The following AFF3 variants were observed in gnomAD, a reference collection of about 807,000 sequenced individuals.
AFF3 encodes AF4/FMR2 family member 3.
Under a neutral mutation model 129.7 loss-of-function variants are expected in AFF3, and 32 were observed. The observed-to-expected ratio is 0.25, with a 90% CI of 0.19 to 0.33. The LOEUF (loss-of-function observed/expected upper bound fraction) is 0.33, where lower values mean the gene tolerates loss of function less well. Ranked by LOEUF, AFF3 falls within the 10% of genes least tolerant of loss-of-function variation. The pLI, the probability that AFF3 is intolerant of heterozygous loss-of-function variation, is 1.00. For missense variants in AFF3, 1,373 were observed against 1,592.0 expected (o/e 0.86, Z 2.34); for synonymous variants, 644 against 635.4 (o/e 1.01, Z -0.20).
At chr2:100,130,211 A>C (rs1381740924) in intron 1 of AFF3, among the ~76,000 whole-genome samples, 1 of 152,226 alleles carries the variant, frequency 6.6e-6, no homozygotes. Flanking sequence ...TCATGAATAC[A>C]TTCAGTGTTA....
chr2:99,981,329 T>G (rs1483704891), intron 7 of AFF3, among the ~76,000 whole-genome samples: 9 of 152,218 alleles, frequency 5.9e-5, no homozygotes, highest in Non-Finnish European at 1.5e-5. Context: ...AAAATCATGT[T>G]TTAATATCAC....
intron 7 of AFF3, among the ~76,000 whole-genome samples, chr2:99,943,360 G>A (rs1017926112): frequency 2.6e-5 from 4 of 152,168 alleles, no homozygotes; most frequent in Non-Finnish European, 5.9e-5. Context: ...ATACCAAAAA[G>A]ATGATGACAT....
intron 11 of AFF3, among the ~76,000 whole-genome samples, chr2:99,701,075 T>C (rs375161169): frequency 9.4e-4 from 143 of 152,216 alleles, no homozygotes; most frequent in Middle Eastern, 3.4e-3. Flanking sequence ...CTGGACTCCA[T>C]AGGATTTAGA....
At chr2:100,064,784 T>C (rs1387180765) in intron 4 of AFF3, among the ~76,000 whole-genome samples, 4 of 152,254 alleles carry the variant, frequency 2.6e-5, no homozygotes, top group East Asian at 1.9e-4. Flanking sequence ...ATTTCTAATA[T>C]GCAACGTATT....
intron 7 of AFF3, among the ~76,000 whole-genome samples, chr2:99,877,720 C>T (rs1692407145): frequency 6.6e-6 from 1 of 152,184 alleles, no homozygotes; most frequent in Admixed American, 6.5e-5. Flanking sequence ...AAAATATATA[C>T]TGCTTGTTTG....
At chr2:99,725,768 T>C (rs758934906) in intron 11 of AFF3, among the ~76,000 whole-genome samples, 14 of 152,256 alleles carry the variant, frequency 9.2e-5, no homozygotes, top group Admixed American at 3.3e-4. Context: ...CTTTCCAACA[T>C]ACTTTGTATA....
intron 4 of AFF3, among the ~76,000 whole-genome samples, chr2:100,037,531 TATAA>T (rs1160495521): frequency 4.4e-4 from 1 of 2,280 alleles, no homozygotes; most frequent in Non-Finnish European, 6.3e-4. Context: ...ATTATTTATA[TATAA>T]ATATATATTT....
chr2:99,596,889 A>AC (rs1406123328), intron 14 of AFF3, among the ~76,000 whole-genome samples: 1 of 152,060 alleles, frequency 6.6e-6, no homozygotes, highest in African/African-American at 2.4e-5. Context: ...ACTAAATCAT[A>AC]CTTTTTTTTC....
At chr2:99,755,064 A>G (rs1028038606) in intron 8 of AFF3, among the ~76,000 whole-genome samples, 2 of 152,074 alleles carry the variant, frequency 1.3e-5, no homozygotes, top group Non-Finnish European at 2.9e-5. Context: ...CCTCAAAAGC[A>G]ATATCCACAG....
chr2:99,819,623 A>G (rs992522628), intron 8 of AFF3, among the ~76,000 whole-genome samples: 1 of 152,246 alleles, frequency 6.6e-6, no homozygotes, highest in Non-Finnish European at 1.5e-5. Context: ...TTATCCAGCA[A>G]TAGATGTAAC....
intron 1 of AFF3, among the ~76,000 whole-genome samples, chr2:100,136,992 C>T (rs1052394875): frequency 2.0e-5 from 3 of 152,100 alleles, no homozygotes; most frequent in Non-Finnish European, 2.9e-5. Flanking sequence ...CATCCCATTT[C>T]CCCATTGCAT....
chr2:100,105,323 C>T, intron 3 of AFF3, 181 bp downstream of exon 3: 1 of 1,204,670 alleles, frequency 8.3e-7, no homozygotes, highest in Non-Finnish European at 1.1e-6. Flanking sequence ...CGCAGCAGCG[C>T]CCCAAACAAA....
intron 5 of AFF3, 152 bp downstream of exon 5, chr2:100,008,660 C>CTT: frequency 1.1e-6 from 1 of 929,710 alleles, no homozygotes; most frequent in Non-Finnish European, 1.6e-6. Context: ...TGGGGGAAGA[C>CTT]CCCGTACTTG....
intron 4 of AFF3, among the ~76,000 whole-genome samples, chr2:100,045,809 C>G (rs919778757): frequency 2.6e-5 from 4 of 152,120 alleles, no homozygotes; most frequent in African/African-American, 7.2e-5. Flanking sequence ...ATAACATTTT[C>G]TTTTCTCTAG....
At chr2:99,829,636 G>T (rs1050932833) in intron 8 of AFF3, among the ~76,000 whole-genome samples, 1 of 152,220 alleles carries the variant, frequency 6.6e-6, no homozygotes, top group Non-Finnish European at 1.5e-5. Flanking sequence ...GGCAACAGAC[G>T]CTGGCAAGGC....
At chr2:100,003,512 TACA>T (rs1030686644) in intron 7 of AFF3, among the ~76,000 whole-genome samples, 3 of 152,176 alleles carry the variant, frequency 2.0e-5, no homozygotes, top group East Asian at 1.9e-4. Context: ...AAGACTCAGC[TACA>T]ACAACAAAAA....
At chr2:99,813,998 T>C (rs1488727012) in intron 8 of AFF3, among the ~76,000 whole-genome samples, 2 of 152,154 alleles carry the variant, frequency 1.3e-5, no homozygotes, top group Non-Finnish European at 2.9e-5. Flanking sequence ...GGGGTGTACC[T>C]AGGCACAGCC....
chr2:100,057,035 C>T (rs1686848132), intron 4 of AFF3, among the ~76,000 whole-genome samples: 1 of 152,132 alleles, frequency 6.6e-6, no homozygotes, highest in Non-Finnish European at 1.5e-5. Flanking sequence ...AAAACTTTGG[C>T]CACACTGGGC....
At chr2:99,560,087 C>A (rs1216609406) in intron 21 of AFF3, among the ~76,000 whole-genome samples, 1 of 152,138 alleles carries the variant, frequency 6.6e-6, no homozygotes, top group African/African-American at 2.4e-5. Context: ...ATGGTGAAAC[C>A]CCATCTCTAC....
Sources: allele counts gnomAD v4.1 joint callset (sites outside exome capture counted in the v4.1 genomes callset), GRCh38; gene constraint gnomAD v4.1.1; transcripts MANE v1.5; gene names NCBI Gene and HGNC (gene_info 2026-07-23, HGNC 2026-07-21).